Variants in ARSA observed in about 807,000 individuals in gnomAD.
ARSA encodes arylsulfatase A.
In ARSA, 32 loss-of-function variants were observed where a neutral mutation model predicts 37.8. That is an observed-to-expected ratio of 0.85 (90% CI 0.64 to 1.14). The LOEUF (loss-of-function observed/expected upper bound fraction) is 1.14, where lower values mean the gene tolerates loss of function less well. Ranked by LOEUF, ARSA falls within the 50% of genes most tolerant of loss-of-function variation. The pLI is 0.00. For missense variants in ARSA, 685 were observed against 686.3 expected (o/e 1.00, Z 0.02); for synonymous variants, 303 against 303.4 (o/e 1.00, Z 0.01).
rs2082679205 is a variant in ARSA, at chr22:50,626,880, T to A, written c.638A>T (p.Asp213Val). Residue 213 changes from aspartate (D) to valine (V), a missense_variant, in exon 3 of 8, where the codon GAC becomes GTC. Coordinates refer to ENST00000216124, the MANE Select transcript of ARSA (RefSeq NM_000487.6). ...GAAGGGGCGATCCTGGCGCTGGGCG[T>A]CGGCCATGAGGTCATGGGCGAAAGC... ...YMAFAHDLMA[D>V]AQRQDRPFFL... 1 of 1,613,192 alleles carries A rather than the reference T, an allele frequency of 6.2e-7. No individual in the cohort carries two copies. The highest frequency in any genetic ancestry group is 8.5e-7 in the Non-Finnish European group (1 of 1,179,802).
Position 50,626,779 on chromosome 22 carries a change from G to A in ARSA, c.685-19C>T. 1.9e-6 allele frequency: 3 copies of A among 1,612,378 alleles called. No individual in the cohort carries two copies. Among genetic ancestry groups the A allele is most frequent in the Non-Finnish European group, 2.5e-6 (3 of 1,178,690 alleles). On this transcript the variant is annotated intron_variant, in intron 3 of 7. Coordinates refer to ENST00000216124, the MANE Select transcript of ARSA (RefSeq NM_000487.6). Reference sequence around the variant, plus strand: ...GGGTGTGCTGGGGGCAAAGACTGGAGTTAGCACTGGGTAGGGGTCACGGGC... The same window carrying A: ...GGGTGTGCTGGGGGCAAAGACTGGAATTAGCACTGGGTAGGGGTCACGGGC...
At chr22:50,625,878 C>T in intron 6 of ARSA, 58 bp downstream of exon 6, 1 of 1,557,862 alleles carries the variant, frequency 6.4e-7, no homozygotes, top group South Asian at 1.2e-5. Flanking sequence ...CCACACTCAC[C>T]CCAGGGGAAG....
At position 50,626,627 on chromosome 22, in the gene ARSA, A is replaced by C; in HGVS notation, c.818T>G (p.Leu273Arg). The C allele has an allele frequency of 6.2e-7, 1 of 1,614,026 alleles. No individual in the cohort carries two copies. Among genetic ancestry groups the C allele is most frequent in the Non-Finnish European group, 8.5e-7 (1 of 1,180,028 alleles). Residue 273 changes from leucine (L) to arginine (R), a missense_variant, in exon 4 of 8, where the codon CTT becomes CGT. By Grantham distance (102) the Leu-to-Arg change is moderately radical (BLOSUM62 -2). Transcript: ENST00000216124. ...AGTGAAGATGACCAGCGTCTCTTCA[A>C]GCAGCCCCAGGTCCCCTATGGCTGT... ...LMTAIGDLGLLEETLVIFTAD... is the reference protein window; with the variant it reads ...LMTAIGDLGLREETLVIFTAD...
At chr22:50,626,527 T>G in intron 4 of ARSA, 64 bp downstream of exon 4, 1 of 1,601,184 alleles carries the variant, frequency 6.2e-7, no homozygotes, top group South Asian at 1.1e-5. Context: ...GCAGCTGAAC[T>G]GCAAGGCCTC....
rs574444264 is a variant in ARSA at position 50,625,664 on chromosome 22, G to A, written c.1125C>T (p.Leu375=). The change falls in exon 7 of 8, where the codon CTC becomes CTT. Residue 375 remains leucine (L), a synonymous_variant. Coordinates refer to ENST00000216124, the MANE Select transcript of ARSA (RefSeq NM_000487.6). ...LGTGKSPRQS[L]FFYPSYPDEV... is the part of the protein sequence containing the mutation. ...CGTCTGGGTAGGACGGGTAGAAGAA[G>A]AGAGACTGCCGAGGGCTCTGGGGGC... 13 of 1,613,676 alleles carry A rather than the reference G, an allele frequency of 8.1e-6. No individual in the cohort carries two copies. In the South Asian group the frequency reaches 1.3e-4, roughly 16 times the overall value.
rs1270135893 is a variant in ARSA, at chr22:50,627,331, C to A, written c.300G>T (p.Gly100=). The A allele has an allele frequency of 1.9e-6, 3 of 1,591,340 alleles. No individual in the cohort carries two copies. Among genetic ancestry groups the A allele is most frequent in the Non-Finnish European group, 2.6e-6 (3 of 1,170,228 alleles). Residue 100 remains glycine (G), a synonymous_variant, in exon 2 of 8, where the codon GGG becomes GGT. Coordinates refer to ENST00000216124, the MANE Select transcript of ARSA (RefSeq NM_000487.6). ...CGGTCACCTCCTCCAGGGGCAGGCC[C>A]CCCCGGGAGCTGGGCACCAGGACGC... ...YPGVLVPSSR[G]GLPLEEVTVA... is the part of the protein sequence containing the mutation.
chr22:50,626,582 C>T lies in ARSA; in HGVS notation c.854+9G>A, dbSNP rs1349278805. On this transcript the variant is annotated intron_variant, in intron 4 of 7. Coordinates refer to ENST00000216124, the MANE Select transcript of ARSA (RefSeq NM_000487.6). ...AGGGCCGGAGCACCCAGCTGCCCTGCTGGCATACCCATTGTCTGCAGTGAA... is the reference window on the plus strand; with the variant it reads ...AGGGCCGGAGCACCCAGCTGCCCTGTTGGCATACCCATTGTCTGCAGTGAA... The T allele has an allele frequency of 6.2e-7, 1 of 1,612,256 alleles. No individual in the cohort carries two copies. The highest frequency in any genetic ancestry group is 2.2e-5 in the East Asian group (1 of 44,882).
Position 50,626,032 on chromosome 22 carries a change from G to A in ARSA, c.1011C>T (p.Asp337=), listed in dbSNP as rs1490520664. The A allele has an allele frequency of 6.3e-7, 1 of 1,587,656 alleles. No homozygotes were observed. The highest frequency in any genetic ancestry group is 8.6e-7 in the Non-Finnish European group (1 of 1,169,046). ...GVTHELASSL[D]LLPTLAALAG... ...CCAGGGCTGCCAGGGTAGGCAGCAG[G>A]TCCAGGGAGCTGGCCAGCTCGTGGG... The change falls in exon 6 of 8, where the codon GAC becomes GAT. Residue 337 remains aspartate, a synonymous_variant. Coordinates refer to ENST00000216124, the MANE Select transcript of ARSA (RefSeq NM_000487.6).
At chr22:50,626,528 G>A (rs1278983528) in intron 4 of ARSA, 63 bp downstream of exon 4, 1 of 1,600,880 alleles carries the variant, frequency 6.2e-7, no homozygotes, top group African/African-American at 1.3e-5. Context: ...CAGCTGAACT[G>A]CAAGGCCTCC....
chr22:50,626,384 C>T, intron 4 of ARSA, 106 bp from the exon 5 acceptor site: 4 of 1,544,654 alleles, frequency 2.6e-6, no homozygotes, highest in Non-Finnish European at 3.5e-6. Flanking sequence ...CCGGAGGTGC[C>T]CAGCATGAGC....
intron 4 of ARSA, 49 bp downstream of exon 4, chr22:50,626,542 G>GCCCTGGC (rs770985432): frequency 6.2e-7 from 1 of 1,605,468 alleles, no homozygotes; most frequent in Admixed American, 1.7e-5. Context: ...GGCCTCCAGG[G>GCCCTGGC]CCCTGGCCCG....
Position 50,628,008 on chromosome 22 carries a change from GA to G in ARSA, c.-230del, listed in dbSNP as rs948791685. ...CAGGGCACCTTCAGATTCTCGAGCG[GA>G]GATCTGATCCTCCTCGCCTAGCGGT... On this transcript the variant is annotated 5_prime_UTR_variant, in exon 1 of 8. Transcript: ENST00000216124. 9 of 571,284 alleles carry G rather than the reference GA, an allele frequency of 1.6e-5. No individual in the cohort carries two copies. The highest frequency in any genetic ancestry group is 2.8e-5 in the Non-Finnish European group (9 of 320,076). The allele number at this position is 571,284 out of a possible 1,614,324, so 35.4% of individuals were successfully genotyped here. A position where few individuals can be genotyped will look rare whatever the true frequency, so the allele number is the denominator to read the frequency against.
Position 50,623,375 on chromosome 22 carries a change from T to C in ARSA, c.*1770A>G, listed in dbSNP as rs1381464849. The C allele has an allele frequency of 6.6e-6, 1 of 152,136 alleles. No individual in the cohort carries two copies. The highest frequency in any genetic ancestry group is 1.5e-5 in the Non-Finnish European group (1 of 68,022). The allele number at this position is 152,136 out of a possible 1,614,324, so 9.4% of individuals were successfully genotyped here. On this transcript the variant is annotated 3_prime_UTR_variant, in exon 8 of 8. Transcript: ENST00000216124. Reference sequence around the variant, plus strand: ...GGCAAACTGGGTCACTGTAAGGGGTTTGGATTTTCTTCTGAGAAGCCTGCG... The same window carrying C: ...GGCAAACTGGGTCACTGTAAGGGGTCTGGATTTTCTTCTGAGAAGCCTGCG...
At position 50,627,060 on chromosome 22, in the gene ARSA, G is replaced by A. The variant is rs765768453; in HGVS notation, c.466-8C>T. On this transcript the variant is annotated splice_region_variant and splice_polypyrimidine_tract_variant and intron_variant, in intron 2 of 7. Transcript: ENST00000216124. ...CAGGTTCTGGCAGGGGCCCTGAGGC[G>A]GGCAGCTGCCGTGAGGGCTGGGCTG... 8.7e-6 allele frequency: 14 copies of A among 1,601,840 alleles called. No homozygotes were observed. Among genetic ancestry groups the A allele is most frequent in the African/African-American group, 2.7e-5 (2 of 74,746 alleles).
Position 50,626,187 on chromosome 22 carries a change from C to T in ARSA, c.946G>A (p.Ala316Thr), listed in dbSNP as rs199476368. 1.9e-6 allele frequency: 3 copies of T among 1,609,824 alleles called. No individual in the cohort carries two copies. The highest frequency in any genetic ancestry group is 2.5e-6 in the Non-Finnish European group (3 of 1,178,520). The change falls in exon 5 of 8, where the codon GCC becomes ACC. Residue 316 changes from alanine (A) to threonine (T), a missense_variant. Ala to Thr is a moderately conservative substitution (Grantham distance 58). Transcript: ENST00000216124. ...TTYEGGVREP[A>T]LAFWPGHIAP... ...ATATGACCTGGCCAGAAGGCCAAGGCAGGCTCTCGGACACCGCCCTCGTAG... is the reference window on the plus strand; with the variant it reads ...ATATGACCTGGCCAGAAGGCCAAGGTAGGCTCTCGGACACCGCCCTCGTAG...
chr22:50,627,740 C>A lies in ARSA; in HGVS notation c.40G>T (p.Ala14Ser), dbSNP rs145157196. 2 of 1,550,980 alleles carry A rather than the reference C, an allele frequency of 1.3e-6. No individual in the cohort carries two copies. The highest frequency in any genetic ancestry group is 2.7e-5 in the African/African-American group (2 of 73,222). The change falls in exon 1 of 8, where the codon GCT (alanine) becomes TCT (serine). Residue 14 changes from alanine to serine, a missense_variant. Transcript: ENST00000216124. Reference sequence around the variant, plus strand: ...GGACGGGCAACGGCCAGGCCAGCAGCCAGGGCCAGGAGGAGGGACCGCGGT... The same window carrying A: ...GGACGGGCAACGGCCAGGCCAGCAGACAGGGCCAGGAGGAGGGACCGCGGT... The part of the protein sequence containing the change: ...GAPRSLLLAL[A>S]AGLAVARPPN...
Position 50,627,383 on chromosome 22 carries a change from A to G in ARSA, c.248T>C (p.Leu83Pro), listed in dbSNP as rs1190061000. ...PSRAALLTGRLPVRMGMYPGV... is the reference protein window; with the variant it reads ...PSRAALLTGRPPVRMGMYPGV... Reference sequence around the variant, plus strand: ...AGGGTACATGCCCATCCGAACCGGGAGCCGGCCGGTCAGGAGGGCGGCCCT... The same window carrying G: ...AGGGTACATGCCCATCCGAACCGGGGGCCGGCCGGTCAGGAGGGCGGCCCT... Residue 83 changes from leucine to proline, a missense_variant, in exon 2 of 8, where the codon CTC becomes CCC. Physicochemically the swap from Leu to Pro is moderately conservative, Grantham distance 98. Transcript: ENST00000216124. 3.1e-6 allele frequency: 5 copies of G among 1,606,882 alleles called. No homozygotes were observed. The highest frequency in any genetic ancestry group is 4.2e-6 in the Non-Finnish European group (5 of 1,178,566).
chr22:50,624,940 C>T lies in ARSA; in HGVS notation c.*205G>A. 1 of 634,944 alleles carries T rather than the reference C, an allele frequency of 1.6e-6. No homozygotes were observed. Among genetic ancestry groups the T allele is most frequent in the Non-Finnish European group, 2.6e-6 (1 of 383,378 alleles). 39.3% of individuals were successfully genotyped at this position (634,944 alleles called of 1,614,324 possible). ...GGGTGATCTTGTACAAGTCCTGAAC[C>T]TCTCTGCACCTCAGTTTCCTCATTC... On this transcript the variant is annotated 3_prime_UTR_variant, in exon 8 of 8. Transcript: ENST00000216124.
In ARSA at chr22:50,625,088, C is replaced by T; in HGVS notation, c.*57G>A. On this transcript the variant is annotated 3_prime_UTR_variant, in exon 8 of 8. Coordinates refer to ENST00000216124, the MANE Select transcript of ARSA (RefSeq NM_000487.6). ...ACAAACCCCCTCCAGACACCTGAGC[C>T]TCCCCCACAGGCTCCCAGTGAGGAG... 1 of 1,458,600 alleles carries T rather than the reference C, an allele frequency of 6.9e-7. No homozygotes were observed. The highest frequency in any genetic ancestry group is 9.0e-7 in the Non-Finnish European group (1 of 1,108,486). The allele number at this position is 1,458,600 out of a possible 1,614,324, so 90.4% of individuals were successfully genotyped here.
Sources: gnomAD v4.1 joint callset for allele counts on GRCh38, gnomAD v4.1.1 for gene constraint, MANE v1.5 for transcripts, NCBI Gene and HGNC (gene_info 2026-07-23, HGNC 2026-07-21) for gene names.